Variants in POFUT3 observed in about 807,000 individuals in gnomAD.
The protein encoded by POFUT3 is protein O-fucosyltransferase 3.
At chr8:33,385,631 T>C in the POFUT3 span, among the ~76,000 whole-genome samples, 1 of 151,626 alleles carries the variant, frequency 6.6e-6, no homozygotes, top group Non-Finnish European at 1.5e-5. Context: ...CCTGTAATCC[T>C]GGCACTTTGG....
the POFUT3 span, among the ~76,000 whole-genome samples, chr8:33,358,360 A>G: frequency 6.6e-6 from 1 of 152,364 alleles, no homozygotes; most frequent in East Asian, 1.9e-4. Flanking sequence ...AGTGACACAA[A>G]GTAAAACAGG....
chr8:33,366,210 G>A, the POFUT3 span, among the ~76,000 whole-genome samples: 2 of 152,182 alleles, frequency 1.3e-5, no homozygotes, highest in Non-Finnish European at 2.9e-5. Flanking sequence ...TGAACAATGA[G>A]ATCACTTAGA....
chr8:33,341,025 A>G, the POFUT3 span, among the ~76,000 whole-genome samples: 1 of 152,228 alleles, frequency 6.6e-6, no homozygotes, highest in African/African-American at 2.4e-5. Context: ...ATACCAAGAT[A>G]GGCCATATAT....
chr8:33,359,215 T>A, the POFUT3 span, among the ~76,000 whole-genome samples: 2 of 152,176 alleles, frequency 1.3e-5, no homozygotes, highest in Non-Finnish European at 2.9e-5. Flanking sequence ...AACATTCAAG[T>A]GTTATTTATA....
the POFUT3 span, among the ~76,000 whole-genome samples, chr8:33,446,404 T>G: frequency 6.7e-6 from 1 of 148,758 alleles, no homozygotes; most frequent in Non-Finnish European, 1.5e-5. Flanking sequence ...TTGCAATGAG[T>G]CGATATCACA....
chr8:33,322,690 G>A, the POFUT3 span, among the ~76,000 whole-genome samples: 1 of 152,130 alleles, frequency 6.6e-6, no homozygotes, highest in Non-Finnish European at 1.5e-5. Flanking sequence ...CACTTAATGG[G>A]TCAAGGAGCT....
chr8:33,385,420 C>T, the POFUT3 span, among the ~76,000 whole-genome samples: 7 of 152,096 alleles, frequency 4.6e-5, no homozygotes, highest in Non-Finnish European at 7.3e-5. Flanking sequence ...TCCCACTACA[C>T]GGTAGAAGCA....
At chr8:33,349,296 T>C in the POFUT3 span, among the ~76,000 whole-genome samples, 2 of 152,190 alleles carry the variant, frequency 1.3e-5, no homozygotes, top group Non-Finnish European at 2.9e-5. Context: ...AAAAAATTTT[T>C]TTTGATAGTT....
At chr8:33,334,496 G>T in the POFUT3 span, among the ~76,000 whole-genome samples, 1 of 152,272 alleles carries the variant, frequency 6.6e-6, no homozygotes, top group Admixed American at 6.5e-5. Flanking sequence ...GGGATTAGAG[G>T]TGAGCCACAG....
At chr8:33,346,202 G>T in the POFUT3 span, among the ~76,000 whole-genome samples, 1 of 150,266 alleles carries the variant, frequency 6.7e-6, no homozygotes, top group African/African-American at 2.4e-5. Flanking sequence ...CATTCAAACT[G>T]CCTAATTGTG....
chr8:33,465,878 G>A, the POFUT3 span, among the ~76,000 whole-genome samples: 3 of 152,144 alleles, frequency 2.0e-5, no homozygotes, highest in African/African-American at 7.2e-5. Flanking sequence ...GTGACAGCTT[G>A]TGAAAAGTAC....
chr8:33,401,547 G>A, the POFUT3 span, among the ~76,000 whole-genome samples: 2 of 152,014 alleles, frequency 1.3e-5, no homozygotes, highest in Non-Finnish European at 2.9e-5. Context: ...TTTCACATAC[G>A]TGAAAACATA....
chr8:33,459,067 T>C, the POFUT3 span, among the ~76,000 whole-genome samples: 5 of 152,154 alleles, frequency 3.3e-5, no homozygotes, highest in African/African-American at 1.2e-4. Context: ...GAACCAGGCG[T>C]GGTGACTCAT....
chr8:33,442,863 A>G, the POFUT3 span, among the ~76,000 whole-genome samples: 1 of 152,178 alleles, frequency 6.6e-6, no homozygotes, highest in Non-Finnish European at 1.5e-5. Flanking sequence ...GTAAGTTCAT[A>G]AGGTTTTGCT....
the POFUT3 span, chr8:33,461,248 A>G: frequency 1.0e-6 from 1 of 952,986 alleles, no homozygotes; most frequent in Non-Finnish European, 1.5e-6. Context: ...GAAGGAACCA[A>G]CCCTGATCCT....
chr8:33,313,482 C>T, the POFUT3 span, among the ~76,000 whole-genome samples: 2 of 152,070 alleles, frequency 1.3e-5, no homozygotes, highest in Non-Finnish European at 2.9e-5. Context: ...ATTCTCGTGG[C>T]TCTGCTTGAG....
the POFUT3 span, among the ~76,000 whole-genome samples, chr8:33,369,296 A>G: frequency 1.3e-5 from 2 of 152,246 alleles, no homozygotes; most frequent in African/African-American, 2.4e-5. Flanking sequence ...GTTGCAGAGT[A>G]GCAACTAAAA....
chr8:33,396,817 G>A, the POFUT3 span, among the ~76,000 whole-genome samples: 3 of 152,168 alleles, frequency 2.0e-5, no homozygotes, highest in Admixed American at 2.0e-4. Context: ...TACGTTGTTT[G>A]ACTACATTCT....
chr8:33,327,330 T>C, the POFUT3 span, among the ~76,000 whole-genome samples: 40,682 of 152,106 alleles, frequency 0.27, 5,872 homozygotes, highest in South Asian at 0.5. Context: ...AGACTTCTGC[T>C]GGCCTTAGCA....
Sources: allele counts gnomAD v4.1 joint callset (sites outside exome capture counted in the v4.1 genomes callset), GRCh38; gene constraint gnomAD v4.1.1; transcripts MANE v1.5; gene names NCBI Gene and HGNC (gene_info 2026-07-23, HGNC 2026-07-21).